Variants in ARHGAP4 observed in about 807,000 individuals in gnomAD.
The protein encoded by ARHGAP4 is Rho GTPase activating protein 4.
In ARHGAP4, 25 loss-of-function variants were observed where a neutral mutation model predicts 67.6. The observed-to-expected ratio is 0.37, with a 90% CI of 0.27 to 0.52. ARHGAP4 has a LOEUF of 0.52. Among genes scored for constraint, ARHGAP4 ranks in the 20% least tolerant of loss-of-function variants. ARHGAP4 has a pLI of 0.92. For missense variants in ARHGAP4, 804 were observed against 854.6 expected (o/e 0.94, Z 0.74); for synonymous variants, 448 against 373.7 (o/e 1.20, Z -2.29).
At chrX:153,923,429 C>T (rs2065108310) in intron 1 of ARHGAP4, among the ~76,000 whole-genome samples, 1 of 112,039 alleles carries the variant, frequency 8.9e-6, no homozygotes, top group African/African-American at 3.2e-5. Flanking sequence ...GCCCCCTTGA[C>T]TCCAGGTGCC....
intron 7 of ARHGAP4, among the ~76,000 whole-genome samples, chrX:153,915,229 G>T (rs868908897): frequency 3.7e-5 from 4 of 107,454 alleles, no homozygotes; most frequent in Admixed American, 1.0e-4. Flanking sequence ...TGCCAGGGCT[G>T]GGGGGTGGGG....
intron 12 of ARHGAP4, among the ~76,000 whole-genome samples, 170 bp downstream of exon 12, chrX:153,912,530 G>C (rs1557103502): frequency 8.9e-6 from 1 of 112,247 alleles, no homozygotes; most frequent in African/African-American, 3.2e-5. Flanking sequence ...GGAGGCTATA[G>C]GGGAGCCCAA....
intron 1 of ARHGAP4, among the ~76,000 whole-genome samples, chrX:153,925,105 GATC>G (rs1197294961): frequency 8.9e-6 from 1 of 112,007 alleles, no homozygotes; most frequent in Admixed American, 9.5e-5. Context: ...GCAGGATGGA[GATC>G]ATTACCTCCA....
chrX:153,922,484 C>T (rs2065102621), intron 1 of ARHGAP4: 1 of 719,850 alleles, frequency 1.4e-6, no homozygotes, highest in African/African-American at 2.4e-5. Flanking sequence ...TGTGCATTCC[C>T]CCACCCTGCA....
intron 20 of ARHGAP4, 124 bp downstream of exon 20, chrX:153,909,319 G>A (rs1426479987): frequency 1.1e-6 from 1 of 872,742 alleles, no homozygotes; most frequent in African/African-American, 2.0e-5. Context: ...GTCACAAGCT[G>A]GGTCATTCTG....
rs781977985 is a variant in ARHGAP4, at chrX:153,919,177, T to C, written c.788A>G (p.His263Arg). Reference protein sequence around the residue: ...VNAAVSNYYLHDVLDLMDCCD... With the variant: ...VNAAVSNYYLRDVLDLMDCCD... ...CACGTCCATGAGGTCCAAGACGTCA[T>C]GCAGGTAGTAGTTACTGACAGCAGC... Residue 263 changes from histidine to arginine, a missense_variant, in exon 6 of 22, where the codon CAT (histidine) becomes CGT (arginine). By Grantham distance (29) the His-to-Arg change is conservative (BLOSUM62 0). Around this residue, in one of 2 missense-constraint regions of ARHGAP4, gnomAD observed 404 missense variants for 505.9 expected, o/e 0.80. Coordinates refer to ENST00000350060, the MANE Select transcript of ARHGAP4 (RefSeq NM_001666.5). 3 of 1,212,332 alleles carry C rather than the reference T, an allele frequency of 2.5e-6. No homozygotes were observed. Among genetic ancestry groups the C allele is most frequent in the Admixed American group, 2.2e-5 (1 of 46,122 alleles).
At position 153,913,461 on chromosome X, in the gene ARHGAP4, T is replaced by A. The variant is rs1331349082; in HGVS notation, c.1274A>T (p.Gln425Leu). The change falls in exon 9 of 22, where the codon CAG (glutamine) becomes CTG (leucine). Residue 425 changes from glutamine to leucine, a missense_variant. Around this residue, in one of 2 missense-constraint regions of ARHGAP4, gnomAD observed 404 missense variants for 505.9 expected, o/e 0.80. Coordinates refer to ENST00000350060, the MANE Select transcript of ARHGAP4 (RefSeq NM_001666.5). ...CTGCTGGCCGCGCCTCCGGCCCGCC[T>A]GCCGGCTGCCTGGGTCTGAGCTGGT... ...KSTSSDPGSRQAGRRRGQQQE... is the reference protein window; with the variant it reads ...KSTSSDPGSRLAGRRRGQQQE... 1.7e-6 allele frequency: 2 copies of A among 1,210,151 alleles called. No homozygotes were observed. The highest frequency in any genetic ancestry group is 1.7e-5 in the African/African-American group (1 of 57,306).
rs782454791 is a variant in ARHGAP4, at chrX:153,919,230, C to T, written c.735G>A (p.Glu245=). Residue 245 remains glutamate, a synonymous_variant, in exon 6 of 22, where the codon GAG becomes GAA. Coordinates refer to ENST00000350060, the MANE Select transcript of ARHGAP4 (RefSeq NM_001666.5). ...TGACACTAGCCAGGCTAAGCAGGTA[C>T]TCGTTGCGCGCCTTTGTGCACTTGA... ...HKLKCTKARN[E]YLLSLASVNA... is the part of the protein sequence containing the mutation. 1 of 1,212,285 alleles carries T rather than the reference C, an allele frequency of 8.2e-7. No homozygotes were observed. The highest frequency in any genetic ancestry group is 1.1e-6 in the Non-Finnish European group (1 of 895,650).
At chrX:153,918,810 C>T (rs369041030) in intron 7 of ARHGAP4, 22 bp downstream of exon 7, 1 of 1,203,420 alleles carries the variant, frequency 8.3e-7, no homozygotes, top group African/African-American at 1.7e-5. Flanking sequence ...GAATGCCAAG[C>T]CCAGCAGGGG....
chrX:153,919,676 G>A (rs782512927), intron 5 of ARHGAP4: 34 of 1,160,421 alleles, frequency 2.9e-5, no homozygotes, highest in African/African-American at 1.3e-4. Flanking sequence ...AGGCCTCTGC[G>A]GGGGCCAGAG....
chrX:153,914,465 G>A (rs918538851), intron 7 of ARHGAP4, among the ~76,000 whole-genome samples: 12 of 112,461 alleles, frequency 1.1e-4, no homozygotes, highest in Middle Eastern at 4.6e-3. Flanking sequence ...GGAGGCTGAG[G>A]CGGATGGATT....
Position 153,918,135 on chromosome X carries a change from C to CAGT in ARHGAP4, c.1032+694_1032+696dup, listed in dbSNP as rs1331555345. Among the ~76,000 whole-genome samples the CAGT allele has an allele frequency of 2.7e-5, 3 of 113,124 alleles. No individual in the cohort carries two copies. The Admixed American group carries it at 2.8e-4, about 11-fold the overall frequency. ...ATACAGTACATGGCTCAGCTGCCAA[C>CAGT]AGTACCTGTTGTCATGGTGATTTAA... On this transcript the variant is annotated intron_variant, in intron 7 of 21. Transcript: ENST00000350060.
Position 153,926,124 on chromosome X carries a change from G to A in ARHGAP4, c.67+12C>T. On this transcript the variant is annotated intron_variant, in intron 1 of 21. Transcript: ENST00000350060. Reference sequence around the variant, plus strand: ...GCAGGAAACGGGCCGGGAGCGCCCGGCGCCCTCTCACCTTTGACTTGCGTC... The same window carrying A: ...GCAGGAAACGGGCCGGGAGCGCCCGACGCCCTCTCACCTTTGACTTGCGTC... The A allele has an allele frequency of 8.3e-7, 1 of 1,203,675 alleles. No homozygotes were observed. The highest frequency in any genetic ancestry group is 1.1e-6 in the Non-Finnish European group (1 of 891,321).
chrX:153,921,900 A>C, intron 1 of ARHGAP4, 91 bp from the exon 2 acceptor site: 1 of 1,018,566 alleles, frequency 9.8e-7, no homozygotes, highest in East Asian at 3.3e-5. Flanking sequence ...AGGCACACAG[A>C]CCCCAGTCCC....
At chrX:153,920,967 C>T (rs2065089033) in intron 4 of ARHGAP4, 130 bp downstream of exon 4, 17 of 998,564 alleles carry the variant, frequency 1.7e-5, no homozygotes, top group Non-Finnish European at 2.2e-5. Flanking sequence ...GAGGCCTTTG[C>T]CCCTAGGTGC....
intron 19 of ARHGAP4, 53 bp downstream of exon 19, chrX:153,909,688 G>A (rs2148518021): frequency 1.8e-6 from 2 of 1,130,896 alleles, no homozygotes; most frequent in South Asian, 2.1e-5. Flanking sequence ...GGGGAGGGGT[G>A]GATGAAGGGG....
At chrX:153,919,909 C>A (rs2065081697) in intron 5 of ARHGAP4, among the ~76,000 whole-genome samples, 1 of 110,807 alleles carries the variant, frequency 9.0e-6, no homozygotes, top group Non-Finnish European at 1.9e-5. Flanking sequence ...GCCTCAGCCT[C>A]CCAAGTAGCT....
chrX:153,921,999 C>CT, intron 1 of ARHGAP4, 190 bp from the exon 2 acceptor site: 1 of 829,022 alleles, frequency 1.2e-6, no homozygotes, highest in Non-Finnish European at 1.6e-6. Flanking sequence ...GCAGGCAGAT[C>CT]TGGCCTCAGC....
chrX:153,920,397 C>A, intron 5 of ARHGAP4: 1 of 419,792 alleles, frequency 2.4e-6, no homozygotes, highest in East Asian at 4.0e-5. Context: ...TGCAGGGGCC[C>A]CGCTGGGAGC....
Sources: gnomAD v4.1 joint callset for allele counts (sites outside exome capture counted in the v4.1 genomes callset) on GRCh38, gnomAD v4.1.1 for gene constraint, gnomAD v4.1.1 regional missense constraint, MANE v1.5 for transcripts, NCBI Gene and HGNC (gene_info 2026-07-23, HGNC 2026-07-21) for gene names.